STIM1: variants seen among roughly 807,000 people sequenced by gnomAD.
The protein encoded by STIM1 is stromal interaction molecule 1.
In STIM1, 25 loss-of-function variants were observed where a neutral mutation model predicts 74.7. That is an observed-to-expected ratio of 0.33 (90% confidence interval 0.24 to 0.47). STIM1 has a LOEUF of 0.47. Among genes scored for constraint, STIM1 ranks in the 20% least tolerant of loss-of-function variants. The probability of loss-of-function intolerance (pLI) is 1.00; values close to 1 mark genes in which losing one functional copy is unlikely to be tolerated. For synonymous variants in STIM1, 328 were observed against 348.8 expected, an observed-to-expected ratio of 0.94 and a Z score of 0.66; for missense variants, 728 against 920.8, an observed-to-expected ratio of 0.79 and a Z score of 2.71.
intron 3 of STIM1, among the ~76,000 whole-genome samples, chr11:4,036,072 G>T (rs1022123581): frequency 6.6e-6 from 1 of 152,016 alleles, no homozygotes; most frequent in Admixed American, 6.6e-5. Context: ...TGTTCTCATC[G>T]TTGAGCTCTC....
Position 4,084,254 on chromosome 11 carries a change from G to T in STIM1, c.1475-419G>T, listed in dbSNP as rs189345180. Among the ~76,000 whole-genome samples, 323 of 152,318 alleles carry T rather than the reference G, an allele frequency of 2.1e-3. 5 individuals are homozygous for T. The highest frequency in any genetic ancestry group is 7.2e-4 in the Non-Finnish European group (49 of 68,028). On this transcript the variant is annotated intron_variant, in intron 10 of 12. Transcript: ENST00000526596. ...TTTAAGTAAGTAGAATAGCCCTTATGGTAAAGCTATTGTCCTAGGCCCATA... is the reference window on the plus strand; with the variant it reads ...TTTAAGTAAGTAGAATAGCCCTTATTGTAAAGCTATTGTCCTAGGCCCATA...
chr11:4,026,747 G>A (rs534152858), intron 3 of STIM1, among the ~76,000 whole-genome samples: 90 of 152,284 alleles, frequency 5.9e-4, no homozygotes, highest in African/African-American at 2.1e-3. Context: ...AATTTATAGG[G>A]CAAGATATTG....
At position 4,027,982 on chromosome 11, in the gene STIM1, C is replaced by T. The variant is rs2136036537; in HGVS notation, c.385+3995C>T. Reference sequence around the variant, plus strand: ...GAGGCACTGACCTAAGGGAATTCTCCTCTAACCATGGCTTTCATTTTTTCT... The same window carrying T: ...GAGGCACTGACCTAAGGGAATTCTCTTCTAACCATGGCTTTCATTTTTTCT... On this transcript the variant is annotated intron_variant, in intron 3 of 12. Transcript: ENST00000526596. 1.3e-5 allele frequency among the ~76,000 whole-genome samples: 2 copies of T among 152,310 alleles called. 1 individual carries two copies. The highest frequency in any genetic ancestry group is 4.1e-4 in the South Asian group (2 of 4,830).
chr11:3,875,110 C>T (rs2091265674), intron 1 of STIM1, among the ~76,000 whole-genome samples: 1 of 152,100 alleles, frequency 6.6e-6, no homozygotes, highest in Non-Finnish European at 1.5e-5. Flanking sequence ...TCAGCTTCGT[C>T]TTGGTTGCTG....
At chr11:3,983,368 A>G (rs2093526014) in intron 2 of STIM1, among the ~76,000 whole-genome samples, 1 of 152,202 alleles carries the variant, frequency 6.6e-6, no homozygotes, top group Non-Finnish European at 1.5e-5. Flanking sequence ...CTGGGGAGGT[A>G]TAGATGACTT....
intron 1 of STIM1, among the ~76,000 whole-genome samples, chr11:3,881,314 C>T (rs1004550346): frequency 9.9e-5 from 15 of 152,012 alleles, no homozygotes; most frequent in African/African-American, 4.8e-5. Context: ...TTTACCTATT[C>T]TGGATATTTC....
Position 4,070,058 on chromosome 11 carries a change from C to G in STIM1, c.646C>G (p.Leu216Val). The G allele has an allele frequency of 6.2e-7, 1 of 1,614,196 alleles. No homozygotes were observed. The highest frequency in any genetic ancestry group is 8.5e-7 in the Non-Finnish European group (1 of 1,180,046). Residue 216 changes from leucine to valine, a missense_variant, in exon 6 of 13, where the codon CTG becomes GTG. Leu to Val is a conservative substitution (Grantham distance 32). Coordinates refer to ENST00000526596, the MANE Select transcript of STIM1 (RefSeq NM_001382567.1). Reference protein sequence around the residue: ...TRHNHLKDFMLVVSIVIGVGG... With the variant: ...TRHNHLKDFMVVVSIVIGVGG... ...CCATAATCACCTCAAGGACTTCATG[C>G]TGGTGGTGTCTATCGTTATTGGTGT...
At chr11:4,086,961 G>C in intron 12 of STIM1, 6 of 1,418,826 alleles carry the variant, frequency 4.2e-6, no homozygotes, top group Non-Finnish European at 5.6e-6. Flanking sequence ...CTCTGGGGGT[G>C]TGTGCAGTGG....
At chr11:3,974,801 T>C (rs2093430580) in intron 2 of STIM1, among the ~76,000 whole-genome samples, 1 of 151,982 alleles carries the variant, frequency 6.6e-6, no homozygotes, top group Non-Finnish European at 1.5e-5. Context: ...TTCAAACTTC[T>C]GGTGGGGTTT....
rs150511947 is a variant in STIM1 at position 3,882,008 on chromosome 11, T to C, written c.139+25599T>C. Among the ~76,000 whole-genome samples, 934 of 151,936 alleles carry C rather than the reference T, an allele frequency of 6.1e-3. 12 individuals carry two copies. Among genetic ancestry groups the C allele is most frequent in the African/African-American group, 0.021 (888 of 41,466 alleles). ...ATTATAATGGGATCATATGATGTATTGTGTCTGGCTTCTTTCACTTAGCAT... is the reference window on the plus strand; with the variant it reads ...ATTATAATGGGATCATATGATGTATCGTGTCTGGCTTCTTTCACTTAGCAT... On this transcript the variant is annotated intron_variant, in intron 1 of 12. Transcript: ENST00000526596.
At position 4,083,464 on chromosome 11, in the gene STIM1, G is replaced by A. The variant is rs1332729135; in HGVS notation, c.1440G>A (p.Met480Ile). 2 of 1,614,194 alleles carry A rather than the reference G, an allele frequency of 1.2e-6. No individual in the cohort carries two copies. The highest frequency in any genetic ancestry group is 1.7e-6 in the Non-Finnish European group (2 of 1,180,016). ...HFIMTDDVDD[M>I]DEEIVSPLSM... Reference sequence around the variant, plus strand: ...TCATGACTGACGACGTGGATGACATGGATGAGGAGATTGTGTCTCCCTTGT... The same window carrying A: ...TCATGACTGACGACGTGGATGACATAGATGAGGAGATTGTGTCTCCCTTGT... The change falls in exon 10 of 13, where the codon ATG becomes ATA. Residue 480 changes from methionine (M) to isoleucine (I), a missense_variant. Met to Ile is a conservative substitution (Grantham distance 10, BLOSUM62 1). Transcript: ENST00000526596.
At chr11:3,895,086 T>G (rs913139305) in intron 1 of STIM1, among the ~76,000 whole-genome samples, 3 of 152,154 alleles carry the variant, frequency 2.0e-5, no homozygotes, top group Admixed American at 2.0e-4. Context: ...AGGAACCTCT[T>G]AGCAATAGCT....
chr11:4,047,878 G>A (rs2094206358), intron 3 of STIM1, among the ~76,000 whole-genome samples: 1 of 151,132 alleles, frequency 6.6e-6, no homozygotes, highest in Admixed American at 6.6e-5. Context: ...GAGTGCCATG[G>A]CGTGATCTCA....
intron 1 of STIM1, among the ~76,000 whole-genome samples, chr11:3,930,221 G>C (rs1036242316): frequency 3.3e-5 from 5 of 152,134 alleles, no homozygotes; most frequent in Non-Finnish European, 7.4e-5. Context: ...CACTTTGCAT[G>C]TGTTTACCAC....
rs1413940212 is a variant in STIM1, at chr11:3,952,741, A to ATT, written c.140-14810_140-14809insTT. Among the ~76,000 whole-genome samples the ATT allele has an allele frequency of 2.0e-5, 3 of 152,226 alleles. No individual in the cohort carries two copies. The East Asian group carries it at 5.8e-4, about 29-fold the overall frequency. ...AGCAAAAGCTGCTTGAAAGTGTTAAATAAGTGTTGAAATGGGTATTCCAGC... is the reference window on the plus strand; with the variant it reads ...AGCAAAAGCTGCTTGAAAGTGTTAAATTTAAGTGTTGAAATGGGTATTCCAGC... On this transcript the variant is annotated intron_variant, in intron 1 of 12. Coordinates refer to ENST00000526596, the MANE Select transcript of STIM1 (RefSeq NM_001382567.1).
At chr11:3,977,483 G>GCT in intron 2 of STIM1, among the ~76,000 whole-genome samples, 1 of 152,350 alleles carries the variant, frequency 6.6e-6, no homozygotes, top group African/African-American at 2.4e-5. Context: ...GAAACTTAGA[G>GCT]AAGTTACATA....
rs78285130 is a variant in STIM1 at position 3,956,823 on chromosome 11, C to CAAAAAAAA, written c.140-10708_140-10701dup. Reference sequence around the variant, plus strand: ...GGGTGACAGAGCAAGACCCTGTCTCCAAAAAAAAAAAAAAAAAAAAAAAAA... The same window carrying CAAAAAAAA: ...GGGTGACAGAGCAAGACCCTGTCTCCAAAAAAAAAAAAAAAAAAAAAAAAAAAAAAAAA... On this transcript the variant is annotated intron_variant, in intron 1 of 12. Coordinates refer to ENST00000526596, the MANE Select transcript of STIM1 (RefSeq NM_001382567.1). Among the ~76,000 whole-genome samples the CAAAAAAAA allele has an allele frequency of 8.1e-3, 311 of 38,188 alleles. 42 individuals carry two copies. Among genetic ancestry groups the CAAAAAAAA allele is most frequent in the Middle Eastern group, 0.02 (1 of 50 alleles). The allele number at this position is 38,188 out of a possible 152,430, so 25.1% of individuals were successfully genotyped here.
intron 2 of STIM1, among the ~76,000 whole-genome samples, chr11:3,996,066 A>ATCAC (rs2093660930): frequency 6.6e-6 from 1 of 152,106 alleles, no homozygotes; most frequent in Non-Finnish European, 1.5e-5. Flanking sequence ...TACTCTTTTG[A>ATCAC]GAGTACCCTA....
intron 1 of STIM1, among the ~76,000 whole-genome samples, chr11:3,965,402 A>C (rs2093329914): frequency 2.6e-5 from 4 of 152,214 alleles, no homozygotes. Context: ...GAGAAAAATG[A>C]GATATGATTC....
Sources: allele counts gnomAD v4.1 joint callset (sites outside exome capture counted in the v4.1 genomes callset), GRCh38; gene constraint gnomAD v4.1.1; transcripts MANE v1.5; gene names NCBI Gene and HGNC (gene_info 2026-07-23, HGNC 2026-07-21).